PCDH9: variants seen among roughly 807,000 people sequenced by gnomAD.
PCDH9 encodes the protein protocadherin-9.
Under a neutral mutation model 70.6 loss-of-function variants are expected in PCDH9, and 24 were observed. That is an observed-to-expected ratio of 0.34 (90% CI 0.25 to 0.48). PCDH9 has a LOEUF of 0.48. PCDH9 is among the 20% of genes least tolerant of loss of function. PCDH9 has a pLI of 0.99. For missense variants in PCDH9, 1,281 were observed against 1,503.6 expected, an observed-to-expected ratio of 0.85 and a Z score of 2.45; for synonymous variants, 562 against 558.5, an observed-to-expected ratio of 1.01 and a Z score of -0.09.
At chr13:66,879,108 CTT>C (rs2081875221) in intron 3 of PCDH9, among the ~76,000 whole-genome samples, 1 of 152,118 alleles carries the variant, frequency 6.6e-6, no homozygotes, top group Non-Finnish European at 1.5e-5. Flanking sequence ...TGGAAAAACA[CTT>C]AGTAGATTTG....
intron 4 of PCDH9, among the ~76,000 whole-genome samples, chr13:66,524,423 T>G (rs1343491581): frequency 6.6e-6 from 1 of 152,066 alleles, no homozygotes; most frequent in Non-Finnish European, 1.5e-5. Context: ...TTGTTAATAT[T>G]GTGTACTGAA....
At chr13:66,777,411 A>G (rs567401307) in intron 3 of PCDH9, among the ~76,000 whole-genome samples, 76 of 152,108 alleles carry the variant, frequency 5.0e-4, no homozygotes, top group African/African-American at 1.8e-3. Context: ...CAGAATCTAC[A>G]ATGAACTCAA....
At chr13:66,979,497 G>T (rs955332048) in intron 2 of PCDH9, among the ~76,000 whole-genome samples, 2 of 151,906 alleles carry the variant, frequency 1.3e-5, no homozygotes, top group African/African-American at 4.8e-5. Context: ...CATTCCCTTT[G>T]TTCCACCTTA....
intron 3 of PCDH9, among the ~76,000 whole-genome samples, chr13:66,802,328 T>C (rs960603969): frequency 1.3e-5 from 2 of 152,064 alleles, no homozygotes; most frequent in African/African-American, 2.4e-5. Flanking sequence ...CAGGCACATA[T>C]AAGGCTGTTG....
intron 4 of PCDH9, among the ~76,000 whole-genome samples, chr13:66,550,502 G>A (rs1961436764): frequency 6.6e-6 from 1 of 152,048 alleles, no homozygotes. Context: ...TAAACACTTT[G>A]CATGGGATGT....
chr13:66,509,077 A>G (rs1161137622), intron 4 of PCDH9, among the ~76,000 whole-genome samples: 2 of 152,178 alleles, frequency 1.3e-5, no homozygotes, highest in African/African-American at 4.8e-5. Context: ...TGTATTAGAC[A>G]GTGCTGTGAT....
At chr13:67,138,203 T>C (rs940761028) in intron 2 of PCDH9, among the ~76,000 whole-genome samples, 1 of 152,154 alleles carries the variant, frequency 6.6e-6, no homozygotes, top group African/African-American at 2.4e-5. Context: ...AATGTCCTCC[T>C]ATACAAAATG....
intron 3 of PCDH9, among the ~76,000 whole-genome samples, chr13:66,738,402 C>G (rs939359178): frequency 2.6e-5 from 4 of 151,912 alleles, no homozygotes; most frequent in Non-Finnish European, 4.4e-5. Flanking sequence ...AAAAACAGGA[C>G]AGAAAAACTG....
intron 3 of PCDH9, among the ~76,000 whole-genome samples, chr13:66,845,965 G>A (rs1299818974): frequency 2.6e-5 from 4 of 151,986 alleles, no homozygotes; most frequent in Non-Finnish European, 5.9e-5. Context: ...TGGTAAATAT[G>A]TATTTACATA....
intron 4 of PCDH9, among the ~76,000 whole-genome samples, chr13:66,495,456 A>C (rs989609552): frequency 6.6e-6 from 1 of 152,226 alleles, no homozygotes; most frequent in African/African-American, 2.4e-5. Flanking sequence ...ATCTCCTTCA[A>C]GGCGAGATGG....
At chr13:66,961,331 A>C (rs1431985282) in intron 2 of PCDH9, among the ~76,000 whole-genome samples, 4 of 152,188 alleles carry the variant, frequency 2.6e-5, no homozygotes, top group Non-Finnish European at 5.9e-5. Context: ...AAAACAAGCC[A>C]CTTTTGTGTC....
chr13:66,678,483 A>T (rs1593880206), intron 3 of PCDH9, among the ~76,000 whole-genome samples: 1 of 152,052 alleles, frequency 6.6e-6, no homozygotes, highest in Admixed American at 6.6e-5. Context: ...TGTATTATAG[A>T]ACAAAGCCAT....
At chr13:67,165,586 C>T (rs1207313138) in intron 2 of PCDH9, among the ~76,000 whole-genome samples, 1 of 151,914 alleles carries the variant, frequency 6.6e-6, no homozygotes, top group Non-Finnish European at 1.5e-5. Context: ...ACAAAGAGAA[C>T]ATTTTAATTC....
intron 4 of PCDH9, among the ~76,000 whole-genome samples, chr13:66,455,077 T>C (rs937014173): frequency 6.6e-6 from 1 of 152,130 alleles, no homozygotes; most frequent in African/African-American, 2.4e-5. Context: ...TCTGTCGTTA[T>C]ACAGAAAAAA....
chr13:67,199,625 A>G (rs2089160829), intron 2 of PCDH9, among the ~76,000 whole-genome samples: 1 of 152,064 alleles, frequency 6.6e-6, no homozygotes, highest in South Asian at 2.1e-4. Context: ...AGGAATGGAT[A>G]GAACTGCTGG....
rs927064221 is a variant in PCDH9 at position 66,739,434 on chromosome 13, T to G, written c.3139-108023A>C. On this transcript the variant is annotated intron_variant, in intron 3 of 4. Coordinates refer to ENST00000377865, the MANE Select transcript of PCDH9 (RefSeq NM_203487.3). ...GAGACTAGGAAGAAACTGCATCAAC[T>G]AACGAGCAAAATCACCAGCTAACAT... is the stretch of plus-strand genomic sequence containing the variant. 1.5e-3 allele frequency among the ~76,000 whole-genome samples: 221 copies of G among 150,918 alleles called. 4 individuals are homozygous for G. Among genetic ancestry groups the G allele is most frequent in the Admixed American group, 0.011 (163 of 15,086 alleles).
intron 4 of PCDH9, among the ~76,000 whole-genome samples, chr13:66,602,966 G>C (rs2077180971): frequency 6.9e-6 from 1 of 145,916 alleles, no homozygotes; most frequent in South Asian, 2.2e-4. Context: ...TGTAGCCTAG[G>C]AGCAATAGGC....
chr13:67,025,759 C>T (rs1249457386), intron 2 of PCDH9, among the ~76,000 whole-genome samples: 1 of 152,110 alleles, frequency 6.6e-6, no homozygotes, highest in Non-Finnish European at 1.5e-5. Context: ...GGTATATCCA[C>T]ATGTCAAACG....
Position 66,587,003 on chromosome 13 carries a change from A to T in PCDH9, c.3340+44207T>A, listed in dbSNP as rs865814925. Among the ~76,000 whole-genome samples the T allele has an allele frequency of 6.1e-4, 93 of 152,252 alleles. 1 individual carries two copies. The highest frequency in any genetic ancestry group is 2.2e-3 in the African/African-American group (90 of 41,576). ...AAAATGAAAATAAAATTAATATATT[A>T]TCACTGCGAGTACGGCACCCGTCAG... On this transcript the variant is annotated intron_variant, in intron 4 of 4. Transcript: ENST00000377865.
Sources: allele counts gnomAD v4.1 joint callset (sites outside exome capture counted in the v4.1 genomes callset), GRCh38; gene constraint gnomAD v4.1.1; transcripts MANE v1.5; gene names NCBI Gene and HGNC (gene_info 2026-07-23, HGNC 2026-07-21).